MMEL1: variants seen among roughly 807,000 people sequenced by gnomAD.
MMEL1 encodes the protein membrane metallo-endopeptidase-like 1.
MMEL1 carries 98 observed loss-of-function variants against 117.1 expected under a neutral mutation model. The observed-to-expected ratio is 0.84, with a 90% confidence interval of 0.71 to 0.99. The LOEUF is 0.99. MMEL1 is among the 50% of genes least tolerant of loss of function. MMEL1 has a pLI of 0.00. For missense variants in MMEL1, 1,014 were observed against 1,049.1 expected, an observed-to-expected ratio of 0.97 and a Z score of 0.46; for synonymous variants, 390 against 415.1, an observed-to-expected ratio of 0.94 and a Z score of 0.74.
intron 11 of MMEL1, among the ~76,000 whole-genome samples, chr1:2,602,697 G>A (rs577553954): frequency 1.7e-4 from 26 of 152,296 alleles, no homozygotes; most frequent in Admixed American, 1.7e-3. Context: ...GTCGGACACG[G>A]CATCCCCCGC....
chr1:2,609,080 C>G (rs1645083182), intron 6 of MMEL1, among the ~76,000 whole-genome samples: 2 of 144,892 alleles, frequency 1.4e-5, no homozygotes, highest in South Asian at 2.2e-4. Context: ...CACACACACA[C>G]AGTCTTCCTG....
At chr1:2,630,492 G>A (rs1638495386) in intron 1 of MMEL1, among the ~76,000 whole-genome samples, 1 of 151,876 alleles carries the variant, frequency 6.6e-6, no homozygotes, top group African/African-American at 2.4e-5. Context: ...GTGCACGTGT[G>A]TGCGTGTGCT....
chr1:2,631,355 C>T (rs1222290016), intron 1 of MMEL1, among the ~76,000 whole-genome samples: 3 of 152,112 alleles, frequency 2.0e-5, no homozygotes, highest in Non-Finnish European at 2.9e-5. Flanking sequence ...GCTGAGACTG[C>T]CAGCACCTGG....
intron 11 of MMEL1, among the ~76,000 whole-genome samples, chr1:2,602,432 C>G (rs1045943179): frequency 1.3e-5 from 2 of 151,930 alleles, no homozygotes; most frequent in African/African-American, 2.4e-5. Flanking sequence ...CATCTGAGCT[C>G]TCTCACTTCC....
rs1644814726 is a variant in MMEL1, at chr1:2,595,247, G to A, written c.1584+29C>T. ...AGGGCCCATGTCCACGGTGTGGGGGGCAGTTTAGGGCTGGGGTTGGGGGCG... is the reference window on the plus strand; with the variant it reads ...AGGGCCCATGTCCACGGTGTGGGGGACAGTTTAGGGCTGGGGTTGGGGGCG... On this transcript the variant is annotated intron_variant, in intron 16 of 23. Coordinates refer to ENST00000378412, the MANE Select transcript of MMEL1 (RefSeq NM_033467.4). This position sits in a 1 kb window ranked among gnomAD's most constrained non-coding sequence, Gnocchi z 4.8. 6.3e-7 allele frequency: 1 copy of A among 1,592,712 alleles called. No individual in the cohort carries two copies. The highest frequency in any genetic ancestry group is 1.1e-5 in the South Asian group (1 of 90,356).
At chr1:2,617,351 C>T (rs887310216) in intron 2 of MMEL1, among the ~76,000 whole-genome samples, 5 of 149,198 alleles carry the variant, frequency 3.4e-5, no homozygotes, top group African/African-American at 5.0e-5. Context: ...GGCGTGAACC[C>T]GGGAGGCAGA....
Position 2,594,770 on chromosome 1 carries a change from G to T in MMEL1, c.1688+20C>A. The T allele has an allele frequency of 6.6e-7, 1 of 1,522,704 alleles. No individual in the cohort carries two copies. Among genetic ancestry groups the T allele is most frequent in the Non-Finnish European group, 9.1e-7 (1 of 1,097,982 alleles). 94.3% of individuals were successfully genotyped at this position (1,522,704 alleles called of 1,614,324 possible). On this transcript the variant is annotated intron_variant, in intron 17 of 23. Transcript: ENST00000378412. ...CTCCCTGGCCCCCCCCGCCCATGCCGCACCAGCGATGCCACTCACAGATTT... is the reference window on the plus strand; with the variant it reads ...CTCCCTGGCCCCCCCCGCCCATGCCTCACCAGCGATGCCACTCACAGATTT...
At chr1:2,621,569 C>A (rs923717007) in intron 2 of MMEL1, among the ~76,000 whole-genome samples, 1 of 136,224 alleles carries the variant, frequency 7.3e-6, no homozygotes, top group Non-Finnish European at 1.5e-5. Flanking sequence ...TGAACCAATG[C>A]ACATTTTTTT....
chr1:2,605,884 G>C (rs1176674926), intron 8 of MMEL1, among the ~76,000 whole-genome samples: 3 of 152,156 alleles, frequency 2.0e-5, no homozygotes, highest in Non-Finnish European at 4.4e-5. Context: ...AGCACCCGCG[G>C]CTCCCCCAGA....
At chr1:2,629,949 G>A (rs1293836637) in intron 1 of MMEL1, 1 of 156,260 alleles carries the variant, frequency 6.4e-6, no homozygotes, top group African/African-American at 2.4e-5. Context: ...AAGCCCAGAA[G>A]CCAGTGATGG....
At chr1:2,596,726 G>A (rs767651036) in intron 13 of MMEL1, 37 bp from the exon 14 acceptor site, 16 of 1,607,102 alleles carry the variant, frequency 1.0e-5, no homozygotes, top group African/African-American at 4.0e-5. Context: ...GGGCCCCCAC[G>A]TCAGCCTTCC....
intron 11 of MMEL1, among the ~76,000 whole-genome samples, chr1:2,602,241 G>C (rs1484325234): frequency 6.6e-6 from 1 of 152,188 alleles, no homozygotes; most frequent in Non-Finnish European, 1.5e-5. Flanking sequence ...GGGGCATGTG[G>C]GGGCTTCTGG....
intron 11 of MMEL1, among the ~76,000 whole-genome samples, chr1:2,603,603 C>T (rs1411299735): frequency 6.6e-6 from 1 of 152,088 alleles, no homozygotes; most frequent in Non-Finnish European, 1.5e-5. Flanking sequence ...CTGAGGCCTC[C>T]GTTTCCTGCT....
intron 2 of MMEL1, among the ~76,000 whole-genome samples, chr1:2,613,061 G>A (rs1645154213): frequency 6.6e-6 from 1 of 152,176 alleles, no homozygotes; most frequent in African/African-American, 2.4e-5. Context: ...GCTCCTTGGG[G>A]GCCTGGCCAT....
At chr1:2,592,170 C>A (rs922968552) in intron 21 of MMEL1, 143 bp from the exon 22 acceptor site, 3 of 663,790 alleles carry the variant, frequency 4.5e-6, no homozygotes, top group Non-Finnish European at 5.2e-6. Context: ...ACACACCCCA[C>A]GGATGAGCGC....
intron 2 of MMEL1, among the ~76,000 whole-genome samples, chr1:2,615,085 A>G (rs1645181649): frequency 6.6e-6 from 1 of 152,218 alleles, no homozygotes; most frequent in Admixed American, 6.5e-5. Context: ...ATGAGGGAGA[A>G]TAGATGAATC....
intron 18 of MMEL1, 58 bp downstream of exon 18, chr1:2,594,327 C>T (rs1474004544): frequency 1.3e-6 from 2 of 1,515,306 alleles, no homozygotes; most frequent in Non-Finnish European, 1.8e-6. Flanking sequence ...GGCTGCAAGC[C>T]ACCCCTTCAA....
chr1:2,617,755 G>C (rs143713563), intron 2 of MMEL1, among the ~76,000 whole-genome samples: 2 of 152,134 alleles, frequency 1.3e-5, no homozygotes, highest in Non-Finnish European at 1.5e-5. Flanking sequence ...GTTCTTCTAA[G>C]AGAAAAAGCA....
intron 13 of MMEL1, 83 bp downstream of exon 13, chr1:2,598,124 G>C: frequency 7.6e-7 from 1 of 1,311,402 alleles, no homozygotes. Flanking sequence ...TGTGGACCTC[G>C]GTGTTTGCCT....
Sources: allele counts gnomAD v4.1 joint callset (sites outside exome capture counted in the v4.1 genomes callset), GRCh38; gene constraint gnomAD v4.1.1; non-coding constraint Gnocchi (gnomAD v3.1); transcripts MANE v1.5; gene names NCBI Gene and HGNC (gene_info 2026-07-23, HGNC 2026-07-21).